Variants in RERE observed in about 807,000 individuals in gnomAD.
The protein encoded by RERE is arginine-glutamic acid dipeptide repeats protein.
A neutral mutation model predicts 146.1 loss-of-function variants in RERE; 40 were observed. The ratio of observed to expected loss-of-function variants is 0.27; its 90% CI spans 0.21 to 0.36. The LOEUF (loss-of-function observed/expected upper bound fraction) is 0.36. Ranked by LOEUF, RERE falls within the 10% of genes least tolerant of loss-of-function variation. The pLI, the probability that RERE is intolerant of heterozygous loss-of-function variation, is 1.00. For missense variants in RERE, 1,933 were observed against 2,138.7 expected (o/e 0.90, Z 1.90); for synonymous variants, 1,003 against 866.0 (o/e 1.16, Z -2.78).
intron 2 of RERE, among the ~76,000 whole-genome samples, chr1:8,639,790 T>C (rs1278707938): frequency 6.6e-6 from 1 of 152,190 alleles, no homozygotes; most frequent in Non-Finnish European, 1.5e-5. Flanking sequence ...ATTATAATTA[T>C]ACACAGTATT....
At chr1:8,387,476 T>C (rs1420392340) in intron 12 of RERE, among the ~76,000 whole-genome samples, 1 of 152,190 alleles carries the variant, frequency 6.6e-6, no homozygotes, top group African/African-American at 2.4e-5. Context: ...GATAAAATCG[T>C]TAAAATTAAC....
intron 1 of RERE, among the ~76,000 whole-genome samples, chr1:8,705,622 CT>C (rs1557493221): frequency 6.6e-6 from 1 of 152,126 alleles, no homozygotes. Flanking sequence ...CTCATAGCCC[CT>C]TCTAAACAGT....
chr1:8,503,435 C>T (rs956451586), intron 8 of RERE, among the ~76,000 whole-genome samples: 1 of 152,196 alleles, frequency 6.6e-6, no homozygotes, highest in African/African-American at 2.4e-5. Context: ...AGGCTATTCA[C>T]TGCAGCATTA....
At chr1:8,561,206 G>A (rs970774512) in intron 4 of RERE, among the ~76,000 whole-genome samples, 6 of 152,084 alleles carry the variant, frequency 3.9e-5, no homozygotes, top group African/African-American at 1.4e-4. Context: ...AGGAACTATT[G>A]GATTCCCCAA....
chr1:8,440,954 A>G (rs1197090381), intron 11 of RERE, among the ~76,000 whole-genome samples: 2 of 128,768 alleles, frequency 1.6e-5, no homozygotes, highest in Non-Finnish European at 3.1e-5. Context: ...AACACACTAA[A>G]TAACAAGAGC....
At chr1:8,434,593 C>T (rs1644142360) in intron 11 of RERE, 1 of 152,246 alleles carries the variant, frequency 6.6e-6, no homozygotes, top group Admixed American at 6.5e-5. Flanking sequence ...TTCTCTCCTC[C>T]TGAGCCTGGG....
At chr1:8,806,569 C>T (rs1328649587) in intron 1 of RERE, among the ~76,000 whole-genome samples, 1 of 151,946 alleles carries the variant, frequency 6.6e-6, no homozygotes, top group Non-Finnish European at 1.5e-5. Flanking sequence ...TGGGGTCAAG[C>T]GATTAAGCCA....
chr1:8,736,851 G>GAAAAA (rs34872965), intron 1 of RERE, among the ~76,000 whole-genome samples: 6 of 99,788 alleles, frequency 6.0e-5, no homozygotes, highest in East Asian at 6.3e-4. Flanking sequence ...AAGCAAGGGG[G>GAAAAA]AAAAAAAAAA....
intron 8 of RERE, among the ~76,000 whole-genome samples, chr1:8,501,486 C>T (rs1337102495): frequency 1.3e-4 from 13 of 98,162 alleles, no homozygotes; most frequent in East Asian, 6.6e-4. Flanking sequence ...CCCGGCCAGC[C>T]GCCCCGTCCG....
chr1:8,559,477 ATTTTATGCC>A (rs1016553456), intron 4 of RERE, among the ~76,000 whole-genome samples: 20 of 152,096 alleles, frequency 1.3e-4, no homozygotes, highest in African/African-American at 4.8e-4. Flanking sequence ...ATATTTATGC[ATTTTATGCC>A]TTTATATTAA....
At chr1:8,652,726 G>A (rs534083935) in intron 2 of RERE, among the ~76,000 whole-genome samples, 61 of 152,246 alleles carry the variant, frequency 4.0e-4, no homozygotes, top group African/African-American at 1.1e-3. Context: ...ACATGATGGC[G>A]GAAACTGCCC....
At chr1:8,397,619 C>T (rs1197254169) in intron 12 of RERE, among the ~76,000 whole-genome samples, 1 of 151,930 alleles carries the variant, frequency 6.6e-6, no homozygotes, top group South Asian at 2.1e-4. Context: ...GAAACTGTCA[C>T]CAAAATGGCA....
chr1:8,686,729 G>A (rs923089711), intron 1 of RERE, among the ~76,000 whole-genome samples: 2 of 152,020 alleles, frequency 1.3e-5, no homozygotes, highest in Admixed American at 6.6e-5. Context: ...CAGCCTAGGC[G>A]ACAAGAGCGA....
intron 10 of RERE, among the ~76,000 whole-genome samples, chr1:8,479,124 C>T (rs180965147): frequency 6.6e-6 from 1 of 152,226 alleles, no homozygotes; most frequent in East Asian, 1.9e-4. Context: ...GTGGCTCACA[C>T]CTGTAATCCC....
intron 11 of RERE, among the ~76,000 whole-genome samples, chr1:8,445,965 G>C (rs936625392): frequency 6.6e-6 from 1 of 152,066 alleles, no homozygotes; most frequent in Admixed American, 6.6e-5. Flanking sequence ...AGTGTCGACG[G>C]TCTTTACAAT....
At chr1:8,727,370 G>A (rs1001940766) in intron 1 of RERE, among the ~76,000 whole-genome samples, 11 of 152,078 alleles carry the variant, frequency 7.2e-5, no homozygotes, top group African/African-American at 2.7e-4. Flanking sequence ...TTGAACTGCC[G>A]ACCTCAGGTG....
intron 7 of RERE, among the ~76,000 whole-genome samples, chr1:8,531,682 T>A (rs1645655597): frequency 6.6e-6 from 1 of 152,260 alleles, no homozygotes; most frequent in Admixed American, 6.5e-5. Flanking sequence ...TGGTGCTTGC[T>A]GTAAGTTTAT....
In RERE at chr1:8,709,197, G is replaced by A. The variant is rs185918739; in HGVS notation, c.-144-52756C>T. ...GGCTTCCCAAAGTGCTGGGATTACA[G>A]GCGTGAGCCACCGTGCCCGGCAACT... On this transcript the variant is annotated intron_variant, in intron 1 of 22. Transcript: ENST00000400908. Among the ~76,000 whole-genome samples, 64 of 152,014 alleles carry A rather than the reference G, an allele frequency of 4.2e-4. No homozygotes were observed. In the East Asian group the frequency reaches 0.011, roughly 27 times the overall value.
chr1:8,610,880 C>T (rs1646785026), intron 4 of RERE, among the ~76,000 whole-genome samples: 1 of 149,656 alleles, frequency 6.7e-6, no homozygotes, highest in Non-Finnish European at 1.5e-5. Context: ...AAATGCAAAA[C>T]AAAAATAATG....
Sources: allele counts gnomAD v4.1 joint callset (sites outside exome capture counted in the v4.1 genomes callset), GRCh38; gene constraint gnomAD v4.1.1; transcripts MANE v1.5; gene names NCBI Gene and HGNC (gene_info 2026-07-23, HGNC 2026-07-21).